Variants in HPSE2 observed in about 807,000 individuals in gnomAD.
HPSE2 encodes the protein heparanase 2 (inactive).
A neutral mutation model predicts 60.5 loss-of-function variants in HPSE2; 38 were observed. The ratio of observed to expected loss-of-function variants is 0.63; its 90% CI spans 0.48 to 0.82. HPSE2 has a LOEUF of 0.82. Among genes scored for constraint, HPSE2 ranks in the 40% least tolerant of loss-of-function variants. The pLI, the probability that HPSE2 is intolerant of heterozygous loss-of-function variation, is 0.00. For synonymous variants in HPSE2, 295 were observed against 293.2 expected (o/e 1.01, Z -0.06); for missense variants, 713 against 740.4 (o/e 0.96, Z 0.43).
At chr10:98,607,081 C>CCCTCCCTCTCTT (rs1945613571) in intron 9 of HPSE2, among the ~76,000 whole-genome samples, 3 of 122,064 alleles carry the variant, frequency 2.5e-5, no homozygotes, top group Non-Finnish European at 5.1e-5. Flanking sequence ...CTCCCTCTCT[C>CCCTCCCTCTCTT]CCTCCCTCCC....
At chr10:98,798,473 T>C (rs74587621) in intron 3 of HPSE2, among the ~76,000 whole-genome samples, 3 of 152,084 alleles carry the variant, frequency 2.0e-5, no homozygotes, top group Non-Finnish European at 4.4e-5. Context: ...TATTCTTAAG[T>C]AGGAAGAAGA....
intron 9 of HPSE2, among the ~76,000 whole-genome samples, chr10:98,573,077 T>C (rs954323983): frequency 6.6e-6 from 1 of 152,240 alleles, no homozygotes. Context: ...ATCTGAGTGA[T>C]CTTGGGCCAG....
At chr10:99,141,426 T>C (rs779246822) in intron 3 of HPSE2, among the ~76,000 whole-genome samples, 37 of 152,180 alleles carry the variant, frequency 2.4e-4, no homozygotes, top group Non-Finnish European at 7.4e-5. Context: ...CTAACATTAT[T>C]TCCAGTATCA....
intron 3 of HPSE2, among the ~76,000 whole-genome samples, chr10:98,824,269 G>A (rs1206817504): frequency 6.6e-6 from 1 of 152,144 alleles, no homozygotes; most frequent in Non-Finnish European, 1.5e-5. Context: ...AGCGGGGGTG[G>A]TCATGGAAGG....
chr10:98,536,950 C>A (rs562344578), intron 9 of HPSE2, among the ~76,000 whole-genome samples: 1 of 152,160 alleles, frequency 6.6e-6, no homozygotes, highest in South Asian at 2.1e-4. Flanking sequence ...GTCTCTGTGG[C>A]CCATTTTAAG....
At position 98,512,807 on chromosome 10, in the gene HPSE2, C is replaced by A. The variant is rs1402089135; in HGVS notation, c.1321-22611G>T. ...CCTCCCAGACCCATTCCACTCCCACCCCCCAACACACACACACACACACAC... is the reference window on the plus strand; with the variant it reads ...CCTCCCAGACCCATTCCACTCCCACACCCCAACACACACACACACACACAC... On this transcript the variant is annotated intron_variant, in intron 9 of 11. Coordinates refer to ENST00000370552, the MANE Select transcript of HPSE2 (RefSeq NM_021828.5). Among the ~76,000 whole-genome samples the A allele has an allele frequency of 3.2e-4, 5 of 15,512 alleles. No homozygotes were observed. The East Asian group carries it at 0.039, about 122-fold the overall frequency. 10.2% of individuals were successfully genotyped at this position (15,512 alleles called of 152,430 possible).
intron 3 of HPSE2, among the ~76,000 whole-genome samples, chr10:99,109,045 T>TA (rs1844357709): frequency 6.6e-6 from 1 of 152,162 alleles, no homozygotes. Flanking sequence ...CTAATGTACT[T>TA]ATGGCAACCA....
chr10:98,705,991 C>T (rs1948537287), intron 5 of HPSE2, among the ~76,000 whole-genome samples: 1 of 152,080 alleles, frequency 6.6e-6, no homozygotes, highest in South Asian at 2.1e-4. Context: ...ATAATGAAAA[C>T]AATACTGACA....
intron 3 of HPSE2, among the ~76,000 whole-genome samples, chr10:98,943,594 T>C (rs1955089614): frequency 6.6e-6 from 1 of 152,034 alleles, no homozygotes; most frequent in Non-Finnish European, 1.5e-5. Flanking sequence ...ATAAAGACAA[T>C]GGCTTCCATC....
Position 98,937,903 on chromosome 10 carries a change from C to T in HPSE2, c.611-193847G>A, listed in dbSNP as rs190963023. Among the ~76,000 whole-genome samples, 23 of 143,502 alleles carry T rather than the reference C, an allele frequency of 1.6e-4. 3 individuals carry two copies. Among genetic ancestry groups the T allele is most frequent in the Admixed American group, 7.6e-4 (11 of 14,454 alleles). 94.1% of individuals were successfully genotyped at this position (143,502 alleles called of 152,430 possible). The stretch of plus-strand genomic sequence containing the variant: ...CTCTGAGACAAAACTTCCAGAGGAA[C>T]GATCAGACAGCAGCATTCGCGGTTC... On this transcript the variant is annotated intron_variant, in intron 3 of 11. Coordinates refer to ENST00000370552, the MANE Select transcript of HPSE2 (RefSeq NM_021828.5).
chr10:99,126,299 G>A lies in HPSE2; in HGVS notation c.610+17939C>T, dbSNP rs1037349283. ...CAACCAATCCCCCACAGTGGCCGCA[G>A]CAAGCCTTGCCCAAGTCTGAGCCCA... On this transcript the variant is annotated intron_variant, in intron 3 of 11. Transcript: ENST00000370552. This position sits in a 1 kb window ranked among gnomAD's most constrained non-coding sequence, Gnocchi z 4.0. Among the ~76,000 whole-genome samples the A allele has an allele frequency of 6.6e-6, 1 of 152,144 alleles. No individual in the cohort carries two copies. Among genetic ancestry groups the A allele is most frequent in the African/African-American group, 2.4e-5 (1 of 41,410 alleles).
At chr10:99,054,230 G>T (rs1045220310) in intron 3 of HPSE2, among the ~76,000 whole-genome samples, 1 of 152,172 alleles carries the variant, frequency 6.6e-6, no homozygotes, top group Non-Finnish European at 1.5e-5. Flanking sequence ...GTTAGATAGT[G>T]CTAGGTTTAT....
chr10:99,076,839 G>A (rs1210670665), intron 3 of HPSE2, among the ~76,000 whole-genome samples: 2 of 151,982 alleles, frequency 1.3e-5, no homozygotes, highest in African/African-American at 4.8e-5. Context: ...ATTACTGTTA[G>A]GTGTCCTTTT....
At chr10:98,912,104 A>G (rs1475721531) in intron 3 of HPSE2, among the ~76,000 whole-genome samples, 9 of 152,214 alleles carry the variant, frequency 5.9e-5, no homozygotes, top group Admixed American at 5.2e-4. Context: ...GACAGATTCA[A>G]GAGGTATTTA....
intron 5 of HPSE2, among the ~76,000 whole-genome samples, chr10:98,710,100 C>T (rs1948639973): frequency 1.3e-5 from 2 of 152,282 alleles, no homozygotes; most frequent in South Asian, 4.1e-4. Flanking sequence ...TTATAGTAAA[C>T]CAGGCTGAAC....
At chr10:98,618,608 G>A (rs574980308) in intron 8 of HPSE2, among the ~76,000 whole-genome samples, 5 of 152,074 alleles carry the variant, frequency 3.3e-5, no homozygotes, top group Admixed American at 6.5e-5. Context: ...GGGGAGGGAC[G>A]GAGTCTTGCT....
chr10:99,222,589 AT>A (rs1313745966), intron 2 of HPSE2, among the ~76,000 whole-genome samples: 1 of 152,118 alleles, frequency 6.6e-6, no homozygotes, highest in Non-Finnish European at 1.5e-5. Context: ...TTGTCCAATA[AT>A]TTTTTCAAAT....
chr10:98,528,277 T>C (rs1389638639), intron 9 of HPSE2, among the ~76,000 whole-genome samples: 4 of 152,174 alleles, frequency 2.6e-5, no homozygotes, highest in Non-Finnish European at 4.4e-5. Context: ...ATCACTCTCC[T>C]GTGTTTGCCT....
intron 3 of HPSE2, among the ~76,000 whole-genome samples, chr10:99,093,182 C>T (rs770917426): frequency 2.8e-4 from 42 of 151,904 alleles, no homozygotes; most frequent in South Asian, 4.2e-4. Context: ...GAGCTGAGAT[C>T]GTGCCACTGT....
Sources: allele counts gnomAD v4.1 joint callset (sites outside exome capture counted in the v4.1 genomes callset), GRCh38; gene constraint gnomAD v4.1.1; non-coding constraint Gnocchi (gnomAD v3.1); transcripts MANE v1.5; gene names NCBI Gene and HGNC (gene_info 2026-07-23, HGNC 2026-07-21).